The following PDGFB variants were observed in gnomAD, a reference collection of about 807,000 sequenced individuals.
PDGFB encodes the protein platelet derived growth factor subunit B, also known as platelet-derived growth factor subunit B.
A neutral mutation model predicts 29.0 loss-of-function variants in PDGFB; 6 were observed. The ratio of observed to expected loss-of-function variants is 0.21; its 90% CI spans 0.11 to 0.41. The LOEUF is 0.41. Among genes scored for constraint, PDGFB ranks in the 10% least tolerant of loss-of-function variants. The probability of loss-of-function intolerance (pLI) is 1.00; values close to 1 mark genes in which losing one functional copy is unlikely to be tolerated. For synonymous variants in PDGFB, 144 were observed against 140.8 expected (o/e 1.02, Z -0.16); for missense variants, 299 against 341.8 (o/e 0.87, Z 0.99).
At position 39,242,802 on chromosome 22, in the gene PDGFB, G is replaced by A. The variant is rs1461457228; in HGVS notation, c.63+1099C>T. The stretch of plus-strand genomic sequence containing the variant: ...CCTCCCCGGGAGCCGGCGAGGTGCG[G>A]GCGAGGTGCGGACTCCCGGCCGCAG... On this transcript the variant is annotated intron_variant, in intron 1 of 6. Transcript: ENST00000331163. The surrounding 1 kb of genome is among the most constrained non-coding windows in gnomAD (Gnocchi z 5.7). 2.2e-5 allele frequency: 5 copies of A among 230,716 alleles called. No individual in the cohort carries two copies. Among genetic ancestry groups the A allele is most frequent in the Non-Finnish European group, 3.4e-5 (4 of 116,754 alleles). 14.3% of individuals were successfully genotyped at this position (230,716 alleles called of 1,614,324 possible).
intron 6 of PDGFB, 29 bp downstream of exon 6, chr22:39,225,665 TG>T: frequency 6.3e-7 from 1 of 1,581,466 alleles, no homozygotes; most frequent in Non-Finnish European, 8.6e-7. Flanking sequence ...CACAGGATTC[TG>T]GGCCTCAGTT....
chr22:39,233,505 C>T lies in PDGFB; in HGVS notation c.180G>A (p.Leu60=). The T allele has an allele frequency of 1.9e-6, 3 of 1,591,168 alleles. No homozygotes were observed. The South Asian group carries it at 3.4e-5, about 18-fold the overall frequency. Residue 60 remains leucine, a synonymous_variant, in exon 3 of 7, where the codon TTG becomes TTA. Transcript: ENST00000331163. Reference sequence around the variant, plus strand: ...AGTGGGAGCGGGTCATGTTCAGGTCCAACTCGGCCCCATCTTCCTCTGCAG... The same window carrying T: ...AGTGGGAGCGGGTCATGTTCAGGTCTAACTCGGCCCCATCTTCCTCTGCAG... ...GDPGEEDGAE[L]DLNMTRSHSG...
At chr22:39,236,897 C>T (rs1052031767) in intron 1 of PDGFB, among the ~76,000 whole-genome samples, 3 of 152,158 alleles carry the variant, frequency 2.0e-5, no homozygotes, top group Non-Finnish European at 4.4e-5. Context: ...TCGGGCTGCA[C>T]GGTCTGGACA....
At chr22:39,241,251 C>G (rs1031686458) in intron 1 of PDGFB, 1 of 424,180 alleles carries the variant, frequency 2.4e-6, no homozygotes, top group African/African-American at 2.0e-5. Flanking sequence ...TCACGGCTGC[C>G]TGCCGTCTGC....
intron 1 of PDGFB, chr22:39,240,941 A>ACACACT: frequency 2.5e-6 from 1 of 406,012 alleles, no homozygotes; most frequent in Non-Finnish European, 3.0e-6. Flanking sequence ...ACACACACAC[A>ACACACT]CTCTCTCTCT....
chr22:39,235,781 C>T lies in PDGFB; in HGVS notation c.157G>A (p.Gly53Arg), dbSNP rs148252800. 1,820 of 1,610,902 alleles carry T rather than the reference C, an allele frequency of 1.1e-3. 9 individuals carry two copies. The highest frequency in any genetic ancestry group is 6.2e-4 in the Non-Finnish European group (726 of 1,177,158). ...DLQRLLHGDP[G>R]EEDGAELDLN... The stretch of plus-strand genomic sequence containing the variant: ...GCGGGGCGAGGATTCCATTTACCTC[C>T]GGGGTCTCCGTGCAGCAGGCGTTGG... Residue 53 changes from glycine to arginine, a missense_variant, in exon 2 of 7, where the codon GGA (glycine) becomes AGA (arginine). Transcript: ENST00000331163.
intron 5 of PDGFB, among the ~76,000 whole-genome samples, chr22:39,228,907 TAG>T (rs1399337731): frequency 0.014 from 2,047 of 144,034 alleles, 58 homozygotes; most frequent in African/African-American, 0.049. Flanking sequence ...TATATATATA[TAG>T]ATATATATAA....
At chr22:39,237,566 C>G (rs899810102) in intron 1 of PDGFB, among the ~76,000 whole-genome samples, 3 of 152,212 alleles carry the variant, frequency 2.0e-5, no homozygotes, top group African/African-American at 7.2e-5. Context: ...TCTGCCTCCT[C>G]CCGCCCTCAA....
chr22:39,240,940 CA>C, intron 1 of PDGFB: 1 of 133,904 alleles, frequency 7.5e-6, no homozygotes, highest in South Asian at 1.9e-4. Flanking sequence ...CACACACACA[CA>C]CTCTCTCTCT....
chr22:39,240,930 C>A (rs1932555323), intron 1 of PDGFB: 1 of 1,355,068 alleles, frequency 7.4e-7, no homozygotes, highest in East Asian at 2.5e-5. Context: ...CGCACACACA[C>A]ACACACACAC....
chr22:39,241,569 G>A (rs1454174624), intron 1 of PDGFB, among the ~76,000 whole-genome samples: 1 of 152,258 alleles, frequency 6.6e-6, no homozygotes, highest in African/African-American at 2.4e-5. Context: ...CCAGATACAC[G>A]AGCCCGTGGA....
At position 39,235,804 on chromosome 22, in the gene PDGFB, T is replaced by C. The variant is rs1932428834; in HGVS notation, c.134A>G (p.Gln45Arg). The C allele has an allele frequency of 6.2e-7, 1 of 1,613,166 alleles. No individual in the cohort carries two copies. The highest frequency in any genetic ancestry group is 8.5e-7 in the Non-Finnish European group (1 of 1,179,228). ...TCCGGGGTCTCCGTGCAGCAGGCGT[T>C]GGAGATCATCAAAGGAGCGGATCGA... Reference protein sequence around the residue: ...DHSIRSFDDLQRLLHGDPGEE... With the variant: ...DHSIRSFDDLRRLLHGDPGEE... The change falls in exon 2 of 7, where the codon CAA becomes CGA. Residue 45 changes from glutamine to arginine, a missense_variant. Coordinates refer to ENST00000331163, the MANE Select transcript of PDGFB (RefSeq NM_002608.4).
chr22:39,230,509 G>A (rs747934778), intron 4 of PDGFB, among the ~76,000 whole-genome samples: 1 of 152,266 alleles, frequency 6.6e-6, no homozygotes, highest in Non-Finnish European at 1.5e-5. Context: ...GGTTGAGCTG[G>A]GGCCTGCGGT....
In PDGFB at chr22:39,235,789, C is replaced by T. The variant is rs1194753438; in HGVS notation, c.149G>A (p.Gly50Glu). Residue 50 changes from glycine to glutamate, a missense_variant, in exon 2 of 7, where the codon GGA becomes GAA. Gly to Glu is a moderately conservative substitution (Grantham distance 98). Transcript: ENST00000331163. ...SFDDLQRLLH[G>E]DPGEEDGAEL... is the part of the protein sequence containing the mutation. ...AGGATTCCATTTACCTCCGGGGTCTCCGTGCAGCAGGCGTTGGAGATCATC... is the reference window on the plus strand; with the variant it reads ...AGGATTCCATTTACCTCCGGGGTCTTCGTGCAGCAGGCGTTGGAGATCATC... The T allele has an allele frequency of 5.0e-6, 8 of 1,613,384 alleles. No homozygotes were observed. Among genetic ancestry groups the T allele is most frequent in the African/African-American group, 4.0e-5 (3 of 75,070 alleles).
chr22:39,228,500 G>A (rs1033960033), intron 5 of PDGFB, among the ~76,000 whole-genome samples: 6 of 152,232 alleles, frequency 3.9e-5, no homozygotes, highest in Admixed American at 1.3e-4. Flanking sequence ...GAGGAGGGAG[G>A]CTCGCTTGAG....
chr22:39,242,282 G>A lies in PDGFB; in HGVS notation c.63+1619C>T. The A allele has an allele frequency of 4.8e-6, 1 of 209,776 alleles. No individual in the cohort carries two copies. Among genetic ancestry groups the A allele is most frequent in the Non-Finnish European group, 9.7e-6 (1 of 103,202 alleles). 13.0% of individuals were successfully genotyped at this position (209,776 alleles called of 1,614,324 possible). On this transcript the variant is annotated intron_variant, in intron 1 of 6. Coordinates refer to ENST00000331163, the MANE Select transcript of PDGFB (RefSeq NM_002608.4). This position sits in a 1 kb window ranked among gnomAD's most constrained non-coding sequence, Gnocchi z 5.7. ...AGCGCAGCATCGCCTCCGGCCAGGAGTGTGCATGCGTGGGGTGAGTGAGCG... is the reference window on the plus strand; with the variant it reads ...AGCGCAGCATCGCCTCCGGCCAGGAATGTGCATGCGTGGGGTGAGTGAGCG...
chr22:39,241,113 C>T (rs1932559497), intron 1 of PDGFB: 1 of 589,806 alleles, frequency 1.7e-6, no homozygotes, highest in Admixed American at 2.9e-5. Flanking sequence ...GCCCTTCACT[C>T]TTTCCCGGAA....
intron 1 of PDGFB, among the ~76,000 whole-genome samples, chr22:39,237,048 C>G (rs1045188786): frequency 6.6e-6 from 1 of 152,066 alleles, no homozygotes; most frequent in South Asian, 2.1e-4. Context: ...AGCCGAAGGT[C>G]GGGGGGCTCA....
At chr22:39,227,107 C>T (rs1367279717) in intron 5 of PDGFB, among the ~76,000 whole-genome samples, 1 of 152,226 alleles carries the variant, frequency 6.6e-6, no homozygotes, top group Non-Finnish European at 1.5e-5. Flanking sequence ...TACAGGCATG[C>T]ACCATGACAC....
Sources: gnomAD v4.1 joint callset for allele counts (sites outside exome capture counted in the v4.1 genomes callset) on GRCh38, gnomAD v4.1.1 for gene constraint, Gnocchi (gnomAD v3.1) non-coding constraint, MANE v1.5 for transcripts, NCBI Gene and HGNC (gene_info 2026-07-23, HGNC 2026-07-21) for gene names.